Variants in MECOM observed in about 807,000 individuals in gnomAD.
MECOM encodes MDS1 and EVI1 complex locus, also known as histone-lysine N-methyltransferase MECOM.
A neutral mutation model predicts 116.3 loss-of-function variants in MECOM; 13 were observed. The observed-to-expected ratio is 0.11, with a 90% CI of 0.07 to 0.18. The LOEUF is 0.18. Ranked by LOEUF, MECOM falls within the 10% of genes least tolerant of loss-of-function variation. The pLI is 1.00. For synonymous variants in MECOM, 528 were observed against 535.2 expected, an observed-to-expected ratio of 0.99 and a Z score of 0.19; for missense variants, 1,299 against 1,509.0, an observed-to-expected ratio of 0.86 and a Z score of 2.31.
At chr3:169,274,678 T>C (rs922222296) in intron 2 of MECOM, among the ~76,000 whole-genome samples, 1 of 152,214 alleles carries the variant, frequency 6.6e-6, no homozygotes, top group Non-Finnish European at 1.5e-5. Flanking sequence ...TCAAATACGG[T>C]AGCAACTAGC....
intron 1 of MECOM, among the ~76,000 whole-genome samples, chr3:169,496,786 T>C (rs551366174): frequency 6.6e-6 from 1 of 152,236 alleles, no homozygotes; most frequent in South Asian, 2.1e-4. Context: ...ATCCAAATCA[T>C]GTGAAAATCA....
chr3:169,315,535 G>T (rs1415697823), intron 2 of MECOM, among the ~76,000 whole-genome samples: 1 of 152,108 alleles, frequency 6.6e-6, no homozygotes, highest in African/African-American at 2.4e-5. Flanking sequence ...TTATTAAAAA[G>T]TTAACAGCTT....
At chr3:169,497,772 CTAAA>C (rs1362847262) in intron 1 of MECOM, among the ~76,000 whole-genome samples, 8 of 152,176 alleles carry the variant, frequency 5.3e-5, no homozygotes, top group African/African-American at 1.4e-4. Context: ...CTCATTATGT[CTAAA>C]TAAAGTTCAA....
At chr3:169,510,523 G>A (rs9875402) in intron 1 of MECOM, among the ~76,000 whole-genome samples, 78,637 of 152,012 alleles carry the variant, frequency 0.52, 21,709 homozygotes, top group African/African-American at 0.73. Context: ...CATCTCACAG[G>A]CCATTCCCTG....
chr3:169,228,573 G>T (rs140154078), intron 2 of MECOM, among the ~76,000 whole-genome samples: 1 of 152,186 alleles, frequency 6.6e-6, no homozygotes, highest in African/African-American at 2.4e-5. Context: ...AAATAGAAAA[G>T]AAATTTATGA....
At chr3:169,492,301 A>C (rs1384132997) in intron 1 of MECOM, among the ~76,000 whole-genome samples, 1 of 152,258 alleles carries the variant, frequency 6.6e-6, no homozygotes, top group Non-Finnish European at 1.5e-5. Context: ...ATGAAACAGC[A>C]GTCAAGTCCA....
chr3:169,196,347 C>T (rs1337172234), intron 2 of MECOM, among the ~76,000 whole-genome samples: 2 of 151,966 alleles, frequency 1.3e-5, no homozygotes, highest in Non-Finnish European at 2.9e-5. Context: ...ATAGTAAAGA[C>T]TTAGTTTGAA....
intron 12 of MECOM, among the ~76,000 whole-genome samples, chr3:169,097,011 A>G (rs1393262071): frequency 2.0e-5 from 3 of 151,912 alleles, no homozygotes; most frequent in Admixed American, 1.3e-4. Flanking sequence ...CTTCTCTGCA[A>G]TAACTCTGTT....
At chr3:169,609,289 T>A (rs920940215) in intron 1 of MECOM, among the ~76,000 whole-genome samples, 1 of 152,138 alleles carries the variant, frequency 6.6e-6, no homozygotes, top group African/African-American at 2.4e-5. Flanking sequence ...GGGCCTTTTT[T>A]TTGCCATATG....
chr3:169,251,804 G>A (rs935982919), intron 2 of MECOM, among the ~76,000 whole-genome samples: 13 of 152,118 alleles, frequency 8.5e-5, no homozygotes, highest in South Asian at 2.1e-4. Context: ...TAAAAGCCCC[G>A]TCGACTGTGG....
intron 2 of MECOM, among the ~76,000 whole-genome samples, chr3:169,328,127 C>T (rs974223690): frequency 6.6e-6 from 1 of 152,166 alleles, no homozygotes; most frequent in African/African-American, 2.4e-5. Context: ...TTTGACCCGA[C>T]TGAACTTTGT....
chr3:169,481,203 A>G (rs1458765622), intron 1 of MECOM, among the ~76,000 whole-genome samples: 1 of 152,212 alleles, frequency 6.6e-6, no homozygotes, highest in African/African-American at 2.4e-5. Flanking sequence ...ACATTAGCCA[A>G]TTCATGACTT....
chr3:169,624,901 T>C (rs1771173965), intron 1 of MECOM, among the ~76,000 whole-genome samples: 1 of 152,098 alleles, frequency 6.6e-6, no homozygotes, highest in Non-Finnish European at 1.5e-5. Flanking sequence ...CCAGCCCCTC[T>C]GGGAAAACTG....
At chr3:169,479,391 T>G (rs1750948826) in intron 1 of MECOM, among the ~76,000 whole-genome samples, 1 of 151,468 alleles carries the variant, frequency 6.6e-6, no homozygotes, top group Non-Finnish European at 1.5e-5. Flanking sequence ...GGAGAAAGTT[T>G]GGGTTGGTGG....
At chr3:169,400,163 TA>T (rs1337903151) in intron 1 of MECOM, among the ~76,000 whole-genome samples, 53 of 152,346 alleles carry the variant, frequency 3.5e-4, no homozygotes, top group Middle Eastern at 3.4e-3. Flanking sequence ...TTCAAATGAT[TA>T]TATTACATTT....
intron 16 of MECOM, among the ~76,000 whole-genome samples, chr3:169,086,112 T>C (rs9809168): frequency 0.11 from 16,551 of 152,102 alleles, 2,007 homozygotes; most frequent in African/African-American, 0.3. Flanking sequence ...GTTAGAAAAT[T>C]TACCCTTGTA....
intron 2 of MECOM, among the ~76,000 whole-genome samples, chr3:169,256,676 G>A (rs1186710074): frequency 2.0e-5 from 3 of 152,198 alleles, no homozygotes; most frequent in Non-Finnish European, 4.4e-5. Context: ...TACTATCAAC[G>A]TGTTTTAAGC....
At chr3:169,652,543 G>T (rs1388476524) in intron 1 of MECOM, among the ~76,000 whole-genome samples, 4 of 152,112 alleles carry the variant, frequency 2.6e-5, no homozygotes, top group Non-Finnish European at 5.9e-5. Flanking sequence ...AGTTGTCCAA[G>T]ACACAGACAG....
At chr3:169,107,864 T>C (rs1024729432) in intron 10 of MECOM, 62 bp downstream of exon 10, 3 of 1,361,516 alleles carry the variant, frequency 2.2e-6, no homozygotes, top group African/African-American at 2.9e-5. Context: ...CAATTTAGAA[T>C]GTAAGCTGTT....
Sources: gnomAD v4.1 joint callset for allele counts (sites outside exome capture counted in the v4.1 genomes callset) on GRCh38, gnomAD v4.1.1 for gene constraint, MANE v1.5 for transcripts, NCBI Gene and HGNC (gene_info 2026-07-23, HGNC 2026-07-21) for gene names.